NOL11: variants seen among roughly 807,000 people sequenced by gnomAD.
NOL11 encodes nucleolar protein 11.
Under a neutral mutation model 93.0 loss-of-function variants are expected in NOL11, and 42 were observed. The ratio of observed to expected loss-of-function variants is 0.45; its 90% confidence interval spans 0.35 to 0.58. The LOEUF (loss-of-function observed/expected upper bound fraction) is 0.58. NOL11 is among the 20% of genes least tolerant of loss of function. The pLI is 0.00. For synonymous variants in NOL11, 296 were observed against 293.7 expected (o/e 1.01, Z -0.08); for missense variants, 775 against 841.8 (o/e 0.92, Z 0.98).
chr17:67,722,407 A>G (rs1163991451), intron 4 of NOL11, among the ~76,000 whole-genome samples, 173 bp from the exon 5 acceptor site: 1 of 152,190 alleles, frequency 6.6e-6, no homozygotes, highest in African/African-American at 2.4e-5. Flanking sequence ...GCTGCATTTG[A>G]CAAATGCGTA....
chr17:67,742,521 T>G (rs1567806891), intron 16 of NOL11, among the ~76,000 whole-genome samples: 2 of 152,234 alleles, frequency 1.3e-5, no homozygotes, highest in African/African-American at 4.8e-5. Context: ...GCTATTAAAA[T>G]TAAAGTTTTC....
chr17:67,718,848 A>G (rs2043195442), intron 1 of NOL11, among the ~76,000 whole-genome samples: 2 of 152,142 alleles, frequency 1.3e-5, no homozygotes, highest in African/African-American at 4.8e-5. Context: ...GACTCTGCTA[A>G]CTCTATTGGG....
intron 3 of NOL11, 50 bp downstream of exon 3, chr17:67,720,012 G>A: frequency 6.8e-7 from 1 of 1,472,798 alleles, no homozygotes; most frequent in South Asian, 1.3e-5. Context: ...TGGTGAATTA[G>A]AATCATTCAT....
intron 7 of NOL11, among the ~76,000 whole-genome samples, chr17:67,728,177 G>A (rs998536787): frequency 4.6e-5 from 7 of 152,010 alleles, no homozygotes; most frequent in Admixed American, 6.6e-5. Context: ...GGAGAATGGC[G>A]TGAGCCTGGG....
chr17:67,721,405 T>C lies in NOL11; in HGVS notation c.340T>C (p.Ser114Pro). 6.2e-7 allele frequency: 1 copy of C among 1,604,118 alleles called. No individual in the cohort carries two copies. The highest frequency in any genetic ancestry group is 8.5e-7 in the Non-Finnish European group (1 of 1,177,104). Residue 114 changes from serine (S) to proline (P), a missense_variant, in exon 4 of 18, where the codon TCA becomes CCA. Transcript: ENST00000253247. ...GTCAGCAGAAGTATATAGGATACTT[T>C]CAGTGCAAGGGACAGAACCCTTGGT... Reference protein sequence around the residue: ...TLSAEVYRILSVQGTEPLVLF... With the variant: ...TLSAEVYRILPVQGTEPLVLF...
intron 7 of NOL11, among the ~76,000 whole-genome samples, chr17:67,730,503 G>A (rs531081861): frequency 4.9e-4 from 75 of 151,760 alleles, no homozygotes; most frequent in Admixed American, 1.3e-4. Flanking sequence ...CTCATGATCC[G>A]CCCGCCTCAG....
intron 7 of NOL11, 49 bp downstream of exon 7, chr17:67,726,697 G>T (rs534146665): frequency 3.7e-6 from 5 of 1,349,818 alleles, no homozygotes; most frequent in African/African-American, 1.5e-5. Flanking sequence ...TTTCCTTCAC[G>T]GTGTACCTTT....
At chr17:67,723,628 C>T (rs1279195241) in intron 5 of NOL11, among the ~76,000 whole-genome samples, 1 of 151,686 alleles carries the variant, frequency 6.6e-6, no homozygotes, top group East Asian at 1.9e-4. Flanking sequence ...ACCTTGTGAT[C>T]CACCGACTGC....
chr17:67,718,256 C>T (rs931474368), intron 1 of NOL11, among the ~76,000 whole-genome samples, 168 bp downstream of exon 1: 2 of 152,194 alleles, frequency 1.3e-5, no homozygotes, highest in Non-Finnish European at 2.9e-5. Context: ...ATCTGGCTTG[C>T]TTGCCTTCCT....
chr17:67,727,918 C>CAAAAAAAAAAAAAAAAAAAAAAAAA (rs57241605), intron 7 of NOL11, among the ~76,000 whole-genome samples: 1 of 112,606 alleles, frequency 8.9e-6, no homozygotes, highest in African/African-American at 3.5e-5. Flanking sequence ...GACTTTGTCT[C>CAAAAAAAAAAAAAAAAAAAAAAAAA]AAAAAAAAAA....
chr17:67,725,231 C>T (rs1726232590), intron 6 of NOL11, among the ~76,000 whole-genome samples: 1 of 151,906 alleles, frequency 6.6e-6, no homozygotes, highest in South Asian at 2.1e-4. Flanking sequence ...TCCTTTTTTC[C>T]AACCATTAGA....
chr17:67,736,670 T>A lies in NOL11; in HGVS notation c.1059T>A (p.Thr353=). The A allele has an allele frequency of 6.2e-7, 1 of 1,606,464 alleles. No individual in the cohort carries two copies. ...GKLKHSQDPG[T]HVVSHFVNWE... ...GTGCATTTTGCATTTTCTTAGGAAC[T>A]CATGTCGTGTCCCATTTTGTAAACT... The change falls in exon 10 of 18, where the codon ACT becomes ACA. Residue 353 remains threonine (T), a synonymous_variant. Transcript: ENST00000253247.
At chr17:67,743,247 G>A in intron 16 of NOL11, 1 of 306,098 alleles carries the variant, frequency 3.3e-6, no homozygotes. Flanking sequence ...CAGCCTGGGT[G>A]ACATAGCAAG....
At chr17:67,731,140 C>T (rs1401602719) in intron 7 of NOL11, among the ~76,000 whole-genome samples, 1 of 152,032 alleles carries the variant, frequency 6.6e-6, no homozygotes, top group Non-Finnish European at 1.5e-5. Context: ...GAATTGTAAG[C>T]ATTCTTTATA....
At position 67,739,682 on chromosome 17, in the gene NOL11, C is replaced by T. The variant is rs1262265135; in HGVS notation, c.1935+74C>T. ...AAAAAGTTGTATTCAAGGTCAGCAC[C>T]TGCATTCAAGAGCTGACTTCTTGTT... On this transcript the variant is annotated intron_variant, in intron 16 of 17. Coordinates refer to ENST00000253247, the MANE Select transcript of NOL11 (RefSeq NM_015462.5). 1.4e-5 allele frequency: 13 copies of T among 912,332 alleles called. No individual in the cohort carries two copies. The Middle Eastern group carries it at 9.2e-4, about 65-fold the overall frequency. 56.5% of individuals were successfully genotyped at this position (912,332 alleles called of 1,614,324 possible). A position where few individuals can be genotyped will look rare whatever the true frequency, so the allele number is the denominator to read the frequency against.
Position 67,737,907 on chromosome 17 carries a change from C to T in NOL11, c.1464C>T (p.Leu488=), listed in dbSNP as rs761018451. ...AGAAAGATGTACAGTTGTTACAACTCTGTCTACAGCAGTTCCCTGACATTC... is the reference window on the plus strand; with the variant it reads ...AGAAAGATGTACAGTTGTTACAACTTTGTCTACAGCAGTTCCCTGACATTC... The part of the protein sequence containing the change: ...LKKKDVQLLQ[L]CLQQFPDIPE... The change falls in exon 13 of 18, where the codon CTC becomes CTT. Residue 488 remains leucine (L), a synonymous_variant. Transcript: ENST00000253247. 1 of 1,613,358 alleles carries T rather than the reference C, an allele frequency of 6.2e-7. No homozygotes were observed. The highest frequency in any genetic ancestry group is 1.3e-5 in the African/African-American group (1 of 74,914).
chr17:67,727,956 A>T (rs1172207894), intron 7 of NOL11, among the ~76,000 whole-genome samples: 1 of 149,496 alleles, frequency 6.7e-6, no homozygotes, highest in African/African-American at 2.5e-5. Flanking sequence ...GCTCCTGGTT[A>T]TAGTATAACT....
chr17:67,730,419 C>T (rs1381001663), intron 7 of NOL11, among the ~76,000 whole-genome samples: 1 of 152,146 alleles, frequency 6.6e-6, no homozygotes, highest in African/African-American at 2.4e-5. Flanking sequence ...TGCCACCACA[C>T]CCGGCTAATT....
chr17:67,733,038 C>A (rs922569002), intron 7 of NOL11, among the ~76,000 whole-genome samples: 1 of 152,068 alleles, frequency 6.6e-6, no homozygotes. Flanking sequence ...ATCATGTCAT[C>A]TGTGAGTAGA....
Sources: allele counts gnomAD v4.1 joint callset (sites outside exome capture counted in the v4.1 genomes callset), GRCh38; gene constraint gnomAD v4.1.1; transcripts MANE v1.5; gene names NCBI Gene and HGNC (gene_info 2026-07-23, HGNC 2026-07-21).